Variants in EXOSC8 observed in about 807,000 individuals in gnomAD.
EXOSC8 encodes exosome component 8, also known as exosome complex component RRP43.
A neutral mutation model predicts 39.9 loss-of-function variants in EXOSC8; 37 were observed. The ratio of observed to expected loss-of-function variants is 0.93; its 90% CI spans 0.71 to 1.22. The LOEUF (loss-of-function observed/expected upper bound fraction) is 1.22, where lower values mean the gene tolerates loss of function less well. EXOSC8 is among the 50% of genes most tolerant of loss of function. The probability of loss-of-function intolerance (pLI) is 0.00; values close to 1 mark genes in which losing one functional copy is unlikely to be tolerated. For missense variants in EXOSC8, 313 were observed against 326.6 expected, an observed-to-expected ratio of 0.96 and a Z score of 0.32; for synonymous variants, 93 against 109.5, an observed-to-expected ratio of 0.85 and a Z score of 0.94.
rs1420534485 is a variant in EXOSC8, at chr13:37,003,315, G to A, written c.192+308G>A. On this transcript the variant is annotated intron_variant, in intron 4 of 10. Transcript: ENST00000389704. ...ACATCCTTTTAGCCAGTGATGACAT[G>A]TAATCTGTGTAAATGTGTAGAAAAT... 9.7e-6 allele frequency: 3 copies of A among 308,642 alleles called. No individual in the cohort carries two copies. In the Admixed American group the frequency reaches 1.4e-4, roughly 15 times the overall value. The allele number at this position is 308,642 out of a possible 1,614,324, so 19.1% of individuals were successfully genotyped here. A position where few individuals can be genotyped will look rare whatever the true frequency, so the allele number is the denominator to read the frequency against.
intron 8 of EXOSC8, among the ~76,000 whole-genome samples, chr13:37,007,523 T>A (rs1267940163): frequency 6.6e-6 from 1 of 152,256 alleles, no homozygotes; most frequent in African/African-American, 2.4e-5. Context: ...GCATATTCCC[T>A]ATCATTGATG....
At chr13:37,004,331 C>G in intron 4 of EXOSC8, 185 bp from the exon 5 acceptor site, 2 of 520,984 alleles carry the variant, frequency 3.8e-6, no homozygotes, top group Admixed American at 3.7e-5. Context: ...GTAGTGTAGT[C>G]CACTGTACTG....
rs1291940942 is a variant in EXOSC8, at chr13:37,006,154, A to G, written c.384A>G (p.Pro128=). The G allele has an allele frequency of 2.5e-6, 4 of 1,605,816 alleles. No homozygotes were observed. The East Asian group carries it at 8.9e-5, about 36-fold the overall frequency. The stretch of plus-strand genomic sequence containing the variant: ...AGAAAGAGGACTTATGCATTTCTCC[A>G]GGAAAGGTAAGAGGAATAGAGAAGC... ...IIQKEDLCIS[P]GKLVWVLYCD... Residue 128 remains proline, a synonymous_variant, in exon 7 of 11, where the codon CCA becomes CCG. Transcript: ENST00000389704.
chr13:37,007,889 A>G (rs1013135235), intron 8 of EXOSC8, among the ~76,000 whole-genome samples, 168 bp from the exon 9 acceptor site: 3 of 152,146 alleles, frequency 2.0e-5, no homozygotes, highest in Non-Finnish European at 4.4e-5. Flanking sequence ...AGATGTTGTG[A>G]AAAGCAATGT....
Position 37,008,838 on chromosome 13 carries a change from A to T in EXOSC8, c.715+3A>T, listed in dbSNP as rs1325326170. The T allele has an allele frequency of 6.5e-7, 1 of 1,548,592 alleles. No individual in the cohort carries two copies. The highest frequency in any genetic ancestry group is 1.1e-5 in the South Asian group (1 of 88,080). On this transcript the variant is annotated splice_donor_region_variant and intron_variant, in intron 10 of 10. Transcript: ENST00000389704. Reference sequence around the variant, plus strand: ...ACTCTGTTGTCTTCACAAACCAGGCATGTTCCCGCCACTTCAGTCCTAAAC... The same window carrying T: ...ACTCTGTTGTCTTCACAAACCAGGCTTGTTCCCGCCACTTCAGTCCTAAAC...
chr13:37,008,572 T>C (rs1593708136), intron 9 of EXOSC8, among the ~76,000 whole-genome samples, 157 bp from the exon 10 acceptor site: 2 of 152,346 alleles, frequency 1.3e-5, no homozygotes, highest in Middle Eastern at 6.8e-3. Context: ...CTGGCCAACA[T>C]GTTGAAACCC....
At chr13:37,003,873 CTTTT>C (rs771339894) in intron 4 of EXOSC8, 3 of 138,542 alleles carry the variant, frequency 2.2e-5, no homozygotes, top group Non-Finnish European at 3.2e-5. Context: ...AGAGCATTTG[CTTTT>C]TTTTTTTTTT....
chr13:37,001,310 G>GAGGCAGGAGA (rs1245228229), intron 1 of EXOSC8, among the ~76,000 whole-genome samples: 2 of 152,176 alleles, frequency 1.3e-5, no homozygotes, highest in Non-Finnish European at 2.9e-5. Flanking sequence ...TCAGGAGGCT[G>GAGGCAGGAGA]AGGCAGGAGA....
chr13:37,008,905 G>A, intron 10 of EXOSC8, 70 bp downstream of exon 10: 1 of 966,982 alleles, frequency 1.0e-6, no homozygotes, highest in Non-Finnish European at 1.7e-6. Context: ...AATTAGGGAG[G>A]GCCAAATAGA....
rs1440814340 is a variant in EXOSC8 at position 37,002,915 on chromosome 13, A to G, written c.119-19A>G. 1 of 1,574,326 alleles carries G rather than the reference A, an allele frequency of 6.4e-7. No individual in the cohort carries two copies. The highest frequency in any genetic ancestry group is 8.7e-7 in the Non-Finnish European group (1 of 1,145,156). On this transcript the variant is annotated intron_variant, in intron 3 of 10. Transcript: ENST00000389704. Reference sequence around the variant, plus strand: ...GCTGTTTTCCTTTTATGAACCTTTCATTTTGCTTATCTTTTCAGGTTCAAT... The same window carrying G: ...GCTGTTTTCCTTTTATGAACCTTTCGTTTTGCTTATCTTTTCAGGTTCAAT...
At chr13:37,002,051 A>G (rs1488270262) in intron 1 of EXOSC8, among the ~76,000 whole-genome samples, 1 of 152,222 alleles carries the variant, frequency 6.6e-6, no homozygotes, top group Admixed American at 6.5e-5. Flanking sequence ...GAGCTCACTC[A>G]AAGGGCTTTT....
intron 10 of EXOSC8, 82 bp from the exon 11 acceptor site, chr13:37,009,102 T>TATA: frequency 1.0e-6 from 1 of 960,438 alleles, no homozygotes; most frequent in Non-Finnish European, 1.6e-6. Context: ...AATTTTTTTG[T>TATA]TTTATAATTT....
chr13:37,002,347 A>G (rs2059112040), intron 2 of EXOSC8, 38 bp downstream of exon 2: 1 of 1,534,596 alleles, frequency 6.5e-7, no homozygotes. Flanking sequence ...CGTTTTGATA[A>G]CGAGCTGCTT....
rs753598965 is a variant in EXOSC8 at position 37,008,042 on chromosome 13, T to G, written c.488-15T>G. The G allele has an allele frequency of 1.3e-6, 2 of 1,561,176 alleles. No individual in the cohort carries two copies. On this transcript the variant is annotated splice_polypyrimidine_tract_variant and intron_variant, in intron 8 of 10. Transcript: ENST00000389704. ...CTTAGAGACTTACTTACTTTACAAA[T>G]TTGCCTTTTCTTAGTACAGTTGCCT...
In EXOSC8 at chr13:37,004,574, G is replaced by C. The variant is rs547107309; in HGVS notation, c.238+13G>C. 1.3e-6 allele frequency: 2 copies of C among 1,566,048 alleles called. No individual in the cohort carries two copies. The highest frequency in any genetic ancestry group is 2.3e-5 in the South Asian group (2 of 88,714). ...AAAGGATACGTTGGTAAGTTAAATGGTTTTGTAATTTTAATACAAATACTT... is the reference window on the plus strand; with the variant it reads ...AAAGGATACGTTGGTAAGTTAAATGCTTTTGTAATTTTAATACAAATACTT... On this transcript the variant is annotated intron_variant, in intron 5 of 10. Transcript: ENST00000389704.
At chr13:37,003,588 A>C (rs7983986) in intron 4 of EXOSC8, 125,320 of 152,496 alleles carry the variant, frequency 0.82, 52,384 homozygotes, top group East Asian at 1. Flanking sequence ...TGACTACAGT[A>C]TACCCTGTGT....
rs1403422168 is a variant in EXOSC8, at chr13:37,000,824, T to C, written c.17+2T>C. On this transcript the variant is annotated splice_donor_variant, in intron 1 of 10. Transcript: ENST00000389704. LOFTEE classifies it high-confidence loss of function. ...CGGGAAGATGGCGGCTGGGTTCAAGTGAGTGTTGGCGGGTGGCGGGTAGAG... is the reference window on the plus strand; with the variant it reads ...CGGGAAGATGGCGGCTGGGTTCAAGCGAGTGTTGGCGGGTGGCGGGTAGAG... The C allele has an allele frequency of 1.2e-5, 19 of 1,578,236 alleles. No homozygotes were observed. The highest frequency in any genetic ancestry group is 1.8e-5 in the Admixed American group (1 of 55,382).
At chr13:37,002,453 G>T (rs774442792) in intron 2 of EXOSC8, 35 bp from the exon 3 acceptor site, 2 of 1,372,236 alleles carry the variant, frequency 1.5e-6, no homozygotes, top group Non-Finnish European at 2.0e-6. Context: ...TATGTAATAG[G>T]TATAATCTAT....
At chr13:37,003,422 G>C (rs2059118908) in intron 4 of EXOSC8, 1 of 163,508 alleles carries the variant, frequency 6.1e-6, no homozygotes, top group South Asian at 1.7e-4. Flanking sequence ...ACCTTTTTAG[G>C]TGCTTTACAG....
Sources: allele counts gnomAD v4.1 joint callset (sites outside exome capture counted in the v4.1 genomes callset), GRCh38; gene constraint gnomAD v4.1.1; transcripts MANE v1.5; gene names NCBI Gene and HGNC (gene_info 2026-07-23, HGNC 2026-07-21).